CAPG: variants seen among roughly 807,000 people sequenced by gnomAD.
CAPG encodes the protein capping actin protein, gelsolin like, also known as macrophage-capping protein.
A neutral mutation model predicts 44.6 loss-of-function variants in CAPG; 32 were observed. The observed-to-expected ratio is 0.72, with a 90% CI of 0.54 to 0.96. The LOEUF (loss-of-function observed/expected upper bound fraction) is 0.96. CAPG is among the 50% of genes least tolerant of loss of function. The pLI, the probability that CAPG is intolerant of heterozygous loss-of-function variation, is 0.00. For missense variants in CAPG, 412 were observed against 438.3 expected (o/e 0.94, Z 0.54); for synonymous variants, 175 against 179.6 (o/e 0.97, Z 0.20).
At chr2:85,411,305 G>A (rs1429544291), upstream of CAPG, among the ~76,000 whole-genome samples, 1 of 152,198 alleles carries the variant, frequency 6.6e-6, no homozygotes, top group Admixed American at 6.5e-5. Context: ...TGGGCCCTCT[G>A]AGAGACAGCC....
rs937366079 is a variant in CAPG, at chr2:85,397,934, C to T, written c.892+86G>A. The T allele has an allele frequency of 2.4e-5, 33 of 1,355,620 alleles. No individual in the cohort carries two copies. In the African/African-American group the frequency reaches 3.9e-4, roughly 16 times the overall value. 84.0% of individuals were successfully genotyped at this position (1,355,620 alleles called of 1,614,324 possible). A position where few individuals can be genotyped will look rare whatever the true frequency, so the allele number is the denominator to read the frequency against. On this transcript the variant is annotated intron_variant, in intron 8 of 9. Coordinates refer to ENST00000263867, the MANE Select transcript of CAPG (RefSeq NM_001747.4). ...TCCTGAGGCTGTCTTTTACAAGCAG[C>T]TAGACAGGCTGAGTCCTGCAAAGGG...
chr2:85,417,424 C>T (rs1180924766), intron 1 of CAPG, among the ~76,000 whole-genome samples: 8 of 151,740 alleles, frequency 5.3e-5, no homozygotes, highest in Non-Finnish European at 7.4e-5. Context: ...CCACTATCAC[C>T]GCATGCTAGT....
rs1686550405 is a variant in CAPG at position 85,395,505 on chromosome 2, G to GGAA, written c.981+30_981+32dup. On this transcript the variant is annotated intron_variant, in intron 9 of 9. Coordinates refer to ENST00000263867, the MANE Select transcript of CAPG (RefSeq NM_001747.4). The surrounding 1 kb of genome is among the most constrained non-coding windows in gnomAD (Gnocchi z 4.3). Reference sequence around the variant, plus strand: ...GTCAGGGGCCACAGGAAGAGCCCTAGGAAGAGGGCTGTGGTTGTGCGCATC... The same window carrying GGAA: ...GTCAGGGGCCACAGGAAGAGCCCTAGGAAGAAGAGGGCTGTGGTTGTGCGCATC... 1.3e-6 allele frequency: 2 copies of GGAA among 1,558,012 alleles called. No individual in the cohort carries two copies. Among genetic ancestry groups the GGAA allele is most frequent in the East Asian group, 4.5e-5 (2 of 44,498 alleles).
At chr2:85,418,133 C>T (rs989101039) in intron 1 of CAPG, 1 of 152,220 alleles carries the variant, frequency 6.6e-6, no homozygotes, top group Non-Finnish European at 1.5e-5. Context: ...CACACTCTTA[C>T]ACCGAAAGGG....
chr2:85,408,247 C>CAGGAGAAT (rs2104842601), intron 1 of CAPG, among the ~76,000 whole-genome samples: 1 of 151,882 alleles, frequency 6.6e-6, no homozygotes, highest in African/African-American at 2.4e-5. Context: ...GAGGCTGAGG[C>CAGGAGAAT]AGGAGAATTG....
intron 5 of CAPG, among the ~76,000 whole-genome samples, chr2:85,400,688 C>T (rs553800445): frequency 4.6e-5 from 7 of 152,228 alleles, no homozygotes; most frequent in African/African-American, 1.7e-4. Context: ...GGACAACTGG[C>T]TTCGGCTCAG....
At chr2:85,399,895 C>T (rs1179742147) in intron 5 of CAPG, among the ~76,000 whole-genome samples, 2 of 152,044 alleles carry the variant, frequency 1.3e-5, no homozygotes, top group African/African-American at 4.8e-5. Flanking sequence ...GCATGTGCCA[C>T]CAGGCCCGGC....
chr2:85,410,471 G>A (rs1687372303), upstream of CAPG: 1 of 152,408 alleles, frequency 6.6e-6, no homozygotes, highest in African/African-American at 2.4e-5. Context: ...CCCCGACAGG[G>A]AGGGGCAGGC....
chr2:85,401,333 C>A lies in CAPG; in HGVS notation c.352-4G>T, dbSNP rs752480799. 1 of 1,613,196 alleles carries A rather than the reference C, an allele frequency of 6.2e-7. No homozygotes were observed. Among genetic ancestry groups the A allele is most frequent in the African/African-American group, 1.3e-5 (1 of 74,926 alleles). On this transcript the variant is annotated splice_polypyrimidine_tract_variant and splice_region_variant and intron_variant, in intron 4 of 9. Transcript: ENST00000263867. ...ATGCTGACTCCACACCACCTTCCTG[C>A]AGCCCAGACGGCCCATCTGAGTGGA...
chr2:85,414,826 C>A (rs933063118), upstream of CAPG, among the ~76,000 whole-genome samples: 1 of 152,218 alleles, frequency 6.6e-6, no homozygotes, highest in Admixed American at 6.5e-5. Context: ...AGCATCTGCA[C>A]CAGGAGGCCA....
intron 1 of CAPG, among the ~76,000 whole-genome samples, chr2:85,416,528 C>T (rs1348808638): frequency 8.6e-5 from 13 of 150,886 alleles, no homozygotes; most frequent in African/African-American, 2.4e-4. Flanking sequence ...TTTCTTTTTT[C>T]GAGACAGAGT....
chr2:85,402,850 G>A (rs576606911), intron 1 of CAPG, among the ~76,000 whole-genome samples: 347 of 150,872 alleles, frequency 2.3e-3, no homozygotes, highest in Non-Finnish European at 4.1e-3. Context: ...AGCTCACTGC[G>A]ACCTCTGCCT....
intron 1 of CAPG, among the ~76,000 whole-genome samples, 172 bp downstream of exon 1, chr2:85,410,145 C>T (rs1456940277): frequency 1.3e-5 from 2 of 152,262 alleles, no homozygotes; most frequent in Non-Finnish European, 2.9e-5. Flanking sequence ...GGACAGCAGG[C>T]TGGGGGAACT....
intron 1 of CAPG, among the ~76,000 whole-genome samples, chr2:85,416,133 C>G (rs1451918000): frequency 3.9e-5 from 6 of 152,228 alleles, no homozygotes; most frequent in African/African-American, 1.4e-4. Flanking sequence ...GAGAGAAGCA[C>G]TGGACACTGG....
At position 85,401,857 on chromosome 2, in the gene CAPG, A is replaced by G. The variant is rs138195193; in HGVS notation, c.124T>C (p.Phe42Leu). 4 of 1,613,802 alleles carry G rather than the reference A, an allele frequency of 2.5e-6. No individual in the cohort carries two copies. In the African/African-American group the frequency reaches 5.3e-5, roughly 22 times the overall value. Residue 42 changes from phenylalanine (F) to leucine (L), a missense_variant, in exon 3 of 10, where the codon TTC becomes CTC. Coordinates refer to ENST00000263867, the MANE Select transcript of CAPG (RefSeq NM_001747.4). ...ACTAGGTAGGAGTCCCCCGAGAAGA[A>G]GACGCCCTGGTTCTCTTGCGCCACA... ...VPVAQENQGV[F>L]FSGDSYLVLH... is the part of the protein sequence containing the mutation.
At chr2:85,400,040 A>G (rs1246274230) in intron 5 of CAPG, among the ~76,000 whole-genome samples, 1 of 151,512 alleles carries the variant, frequency 6.6e-6, no homozygotes, top group Non-Finnish European at 1.5e-5. Context: ...CACGCCCAGC[A>G]CCTCTTTATT....
In CAPG at chr2:85,395,138, G is replaced by C. The variant is rs1686526668; in HGVS notation, c.982-180C>G. 6.6e-6 allele frequency among the ~76,000 whole-genome samples: 1 copy of C among 152,130 alleles called. No homozygotes were observed. The highest frequency in any genetic ancestry group is 1.9e-4 in the East Asian group (1 of 5,186). Reference sequence around the variant, plus strand: ...CATGAGATGAGAACCAAGATTTCAGGGACACAGACAGAGGCAACAGACTGC... The same window carrying C: ...CATGAGATGAGAACCAAGATTTCAGCGACACAGACAGAGGCAACAGACTGC... On this transcript the variant is annotated intron_variant, in intron 9 of 9. Transcript: ENST00000263867. The surrounding 1 kb of genome is among the most constrained non-coding windows in gnomAD (Gnocchi z 4.3).
At chr2:85,411,573 G>A (rs1053546658), upstream of CAPG, among the ~76,000 whole-genome samples, 2 of 152,332 alleles carry the variant, frequency 1.3e-5, no homozygotes, top group East Asian at 1.9e-4. Flanking sequence ...CCACACAAGC[G>A]TAGTTCCTCT....
intron 5 of CAPG, among the ~76,000 whole-genome samples, chr2:85,400,573 G>A (rs1384768297): frequency 6.6e-6 from 1 of 152,132 alleles, no homozygotes; most frequent in Non-Finnish European, 1.5e-5. Context: ...CCCCTGGTGT[G>A]TGCATGTCTG....
Sources: gnomAD v4.1 joint callset for allele counts (sites outside exome capture counted in the v4.1 genomes callset) on GRCh38, gnomAD v4.1.1 for gene constraint, Gnocchi (gnomAD v3.1) non-coding constraint, MANE v1.5 for transcripts, NCBI Gene and HGNC (gene_info 2026-07-23, HGNC 2026-07-21) for gene names.